Variants in MCTP1 observed in about 807,000 individuals in gnomAD.
MCTP1 encodes the protein multiple C2 and transmembrane domain-containing protein 1.
Under a neutral mutation model 120.6 loss-of-function variants are expected in MCTP1, and 69 were observed. That is an observed-to-expected ratio of 0.57 (90% CI 0.47 to 0.70). The LOEUF is 0.70. Ranked by LOEUF, MCTP1 falls within the 30% of genes least tolerant of loss-of-function variation. The pLI is 0.00. For synonymous variants in MCTP1, 529 were observed against 493.1 expected, an observed-to-expected ratio of 1.07 and a Z score of -0.96; for missense variants, 1,203 against 1,248.8, an observed-to-expected ratio of 0.96 and a Z score of 0.55.
At chr5:95,001,810 C>G (rs754408989) in intron 2 of MCTP1, among the ~76,000 whole-genome samples, 23 of 152,160 alleles carry the variant, frequency 1.5e-4, no homozygotes, top group Non-Finnish European at 2.8e-4. Flanking sequence ...ATTCAAGCCT[C>G]CTGCAGAAAT....
chr5:95,068,907 G>T, intron 1 of MCTP1: 2 of 726,968 alleles, frequency 2.8e-6, no homozygotes, highest in South Asian at 2.0e-5. Flanking sequence ...GTTTTTTATA[G>T]CTAAAAGCGA....
intron 1 of MCTP1, among the ~76,000 whole-genome samples, chr5:95,255,129 A>G (rs1478136159): frequency 6.6e-6 from 1 of 152,148 alleles, no homozygotes; most frequent in East Asian, 1.9e-4. Flanking sequence ...TTCTATTCCA[A>G]ATTGATAAGG....
chr5:94,740,963 G>A (rs1035707500), intron 19 of MCTP1, among the ~76,000 whole-genome samples: 5 of 152,162 alleles, frequency 3.3e-5, no homozygotes, highest in African/African-American at 7.2e-5. Context: ...ATGAAGATGA[G>A]AAATCAAAGC....
chr5:95,085,233 C>A (rs1482923843), intron 1 of MCTP1, among the ~76,000 whole-genome samples: 1 of 152,008 alleles, frequency 6.6e-6, no homozygotes, highest in South Asian at 2.1e-4. Flanking sequence ...AAAGTAAACG[C>A]CCTCCTGAGT....
intron 1 of MCTP1, among the ~76,000 whole-genome samples, chr5:95,257,542 T>A (rs920441422): frequency 6.6e-6 from 1 of 152,124 alleles, no homozygotes; most frequent in Non-Finnish European, 1.5e-5. Flanking sequence ...ACAATTCATA[T>A]CACAGTTTGT....
chr5:94,781,743 C>G (rs578109114), intron 18 of MCTP1, among the ~76,000 whole-genome samples: 243 of 152,264 alleles, frequency 1.6e-3, no homozygotes, highest in Admixed American at 2.9e-3. Context: ...GAATCAGGCT[C>G]TTCATTTGCA....
Position 94,749,571 on chromosome 5 carries a change from C to T in MCTP1, c.2610+29539G>A, listed in dbSNP as rs568331903. ...TCAGGAGGCTGAGGCAGGAGAATCA[C>T]TTGAACCTGGGAAGTGGAGGTTGCA... On this transcript the variant is annotated intron_variant, in intron 19 of 22. Coordinates refer to ENST00000515393, the MANE Select transcript of MCTP1 (RefSeq NM_024717.7). Among the ~76,000 whole-genome samples, 293 of 139,120 alleles carry T rather than the reference C, an allele frequency of 2.1e-3. 1 individual carries two copies. The highest frequency in any genetic ancestry group is 7.1e-3 in the African/African-American group (264 of 37,408). The allele number at this position is 139,120 out of a possible 152,430, so 91.3% of individuals were successfully genotyped here. A position where few individuals can be genotyped will look rare whatever the true frequency, so the allele number is the denominator to read the frequency against.
intron 19 of MCTP1, among the ~76,000 whole-genome samples, chr5:94,771,687 T>G (rs1018496042): frequency 6.6e-6 from 1 of 152,188 alleles, no homozygotes; most frequent in African/African-American, 2.4e-5. Flanking sequence ...AAGTTAATAA[T>G]GACAAATGAG....
chr5:94,908,476 T>C (rs536595873), intron 10 of MCTP1, among the ~76,000 whole-genome samples: 23 of 152,184 alleles, frequency 1.5e-4, no homozygotes, highest in Admixed American at 2.6e-4. Context: ...TCAAGCTGTA[T>C]GTTTAAAGAC....
intron 3 of MCTP1, among the ~76,000 whole-genome samples, chr5:94,948,037 GCAGTTT>G (rs1367405076): frequency 6.6e-6 from 1 of 151,964 alleles, no homozygotes; most frequent in African/African-American, 2.4e-5. Context: ...TTATACTAAG[GCAGTTT>G]CAGAATAACC....
At chr5:94,962,374 G>A (rs931615078) in intron 2 of MCTP1, among the ~76,000 whole-genome samples, 9 of 151,532 alleles carry the variant, frequency 5.9e-5, no homozygotes, top group Non-Finnish European at 1.3e-4. Context: ...ATTTGCTATC[G>A]CAGAAATGTG....
At chr5:95,051,926 T>A (rs1227158762) in intron 1 of MCTP1, among the ~76,000 whole-genome samples, 1 of 151,976 alleles carries the variant, frequency 6.6e-6, no homozygotes, top group Non-Finnish European at 1.5e-5. Flanking sequence ...AAACTACCCA[T>A]CCAGTACTAT....
chr5:95,256,402 C>T (rs974316141), intron 1 of MCTP1, among the ~76,000 whole-genome samples: 5 of 152,152 alleles, frequency 3.3e-5, no homozygotes, highest in African/African-American at 1.2e-4. Context: ...ACTGCTGGCT[C>T]TCTGTCAGCA....
chr5:94,910,180 G>GTGTATACATATATGTATATATACATA (rs1561843088), intron 9 of MCTP1, among the ~76,000 whole-genome samples: 1 of 91,894 alleles, frequency 1.1e-5, no homozygotes, highest in East Asian at 2.2e-4. Context: ...ATACATATAT[G>GTGTATACATATATGTATATATACATA]TATGTGTGCA....
chr5:94,711,685 A>G (rs993458312), intron 20 of MCTP1, among the ~76,000 whole-genome samples: 1 of 152,030 alleles, frequency 6.6e-6, no homozygotes, highest in Non-Finnish European at 1.5e-5. Flanking sequence ...ACAAGACATG[A>G]TAACAAATGG....
chr5:94,823,090 T>C (rs954273562), intron 17 of MCTP1, among the ~76,000 whole-genome samples: 2 of 152,218 alleles, frequency 1.3e-5, no homozygotes, highest in Admixed American at 1.3e-4. Context: ...TTGTTGACAT[T>C]GCTTTTGGTG....
At chr5:95,243,050 G>T (rs1468581639) in intron 1 of MCTP1, among the ~76,000 whole-genome samples, 2 of 152,150 alleles carry the variant, frequency 1.3e-5, no homozygotes, top group Non-Finnish European at 2.9e-5. Flanking sequence ...GGGACACAGA[G>T]ACATGACATG....
chr5:94,941,604 C>T (rs1428258395), intron 4 of MCTP1, among the ~76,000 whole-genome samples: 1 of 151,972 alleles, frequency 6.6e-6, no homozygotes, highest in African/African-American at 2.4e-5. Flanking sequence ...GCCAGGAATT[C>T]CTTCTCCTTA....
intron 1 of MCTP1, among the ~76,000 whole-genome samples, chr5:95,027,677 C>T (rs1839507230): frequency 6.6e-6 from 1 of 152,094 alleles, no homozygotes; most frequent in Non-Finnish European, 1.5e-5. Context: ...CTATGAGCTC[C>T]CACTGCTGAA....
Sources: allele counts gnomAD v4.1 joint callset (sites outside exome capture counted in the v4.1 genomes callset), GRCh38; gene constraint gnomAD v4.1.1; transcripts MANE v1.5; gene names NCBI Gene and HGNC (gene_info 2026-07-23, HGNC 2026-07-21).